Variants in CLCA1 observed in about 807,000 individuals in gnomAD.
CLCA1 encodes chloride channel accessory 1, also known as calcium-activated chloride channel regulator 1.
In CLCA1, 59 loss-of-function variants were observed where a neutral mutation model predicts 85.6. The ratio of observed to expected loss-of-function variants is 0.69; its 90% CI spans 0.56 to 0.86. The LOEUF is 0.86. Ranked by LOEUF, CLCA1 falls within the 40% of genes least tolerant of loss-of-function variation. The pLI is 0.00. For missense variants in CLCA1, 1,022 were observed against 1,101.4 expected, an observed-to-expected ratio of 0.93 and a Z score of 1.02; for synonymous variants, 396 against 398.3, an observed-to-expected ratio of 0.99 and a Z score of 0.07.
intron 3 of CLCA1, among the ~76,000 whole-genome samples, chr1:86,475,866 T>C (rs1336913833): frequency 6.6e-6 from 1 of 152,158 alleles, no homozygotes; most frequent in Non-Finnish European, 1.5e-5. Context: ...ATCAGGGACC[T>C]TGTACACCAT....
chr1:86,486,267 G>T (rs1647967728), intron 6 of CLCA1, among the ~76,000 whole-genome samples: 1 of 152,148 alleles, frequency 6.6e-6, no homozygotes, highest in Non-Finnish European at 1.5e-5. Flanking sequence ...AACTTACCTA[G>T]AATTATTACT....
intron 5 of CLCA1, among the ~76,000 whole-genome samples, chr1:86,484,373 G>A (rs1451704104): frequency 6.6e-6 from 1 of 152,218 alleles, no homozygotes; most frequent in Non-Finnish European, 1.5e-5. Context: ...CAGAGGAGGA[G>A]CAATAGAGAT....
chr1:86,491,332 T>G lies in CLCA1; in HGVS notation c.1425T>G (p.Leu475=), dbSNP rs776400041. 6.2e-7 allele frequency: 1 copy of G among 1,613,632 alleles called. No individual in the cohort carries two copies. Among genetic ancestry groups the G allele is most frequent in the Non-Finnish European group, 8.5e-7 (1 of 1,179,652 alleles). Residue 475 remains leucine, a synonymous_variant, in exon 9 of 14, where the codon CTT becomes CTG. Coordinates refer to ENST00000394711, the MANE Select transcript of CLCA1 (RefSeq NM_001285.4). ...NNGLIDAFGA[L]SSGNGAVSQR... is the part of the protein sequence containing the mutation. ...GCCTCATTGATGCTTTTGGGGCCCT[T>G]TCATCAGGAAATGGAGCTGTCTCTC...
intron 1 of CLCA1, among the ~76,000 whole-genome samples, chr1:86,470,306 A>G (rs879875373): frequency 6.6e-6 from 1 of 152,246 alleles, no homozygotes; most frequent in Non-Finnish European, 1.5e-5. Context: ...TAACCCAAAG[A>G]GGATCAGGCT....
intron 12 of CLCA1, among the ~76,000 whole-genome samples, chr1:86,497,597 T>C (rs1238322012): frequency 6.6e-6 from 1 of 152,164 alleles, no homozygotes; most frequent in African/African-American, 2.4e-5. Context: ...TTCCCATGCA[T>C]TCACTGAGAA....
In CLCA1 at chr1:86,498,741, G is replaced by A. The variant is rs1387127827; in HGVS notation, c.2283G>A (p.Ala761=). The change falls in exon 13 of 14, where the codon GCG becomes GCA. Residue 761 remains alanine, a synonymous_variant. Coordinates refer to ENST00000394711, the MANE Select transcript of CLCA1 (RefSeq NM_001285.4). The part of the protein sequence containing the change: ...FPPGQITDLK[A]EIHGGSLINL... ...CTGGCCAAATCACCGACCTGAAGGC[G>A]GAAATTCACGGGGGCAGTCTCATTA... is the stretch of plus-strand genomic sequence containing the variant. 6.8e-6 allele frequency: 11 copies of A among 1,614,082 alleles called. No individual in the cohort carries two copies. Among genetic ancestry groups the A allele is most frequent in the African/African-American group, 1.3e-5 (1 of 74,998 alleles).
In CLCA1 at chr1:86,482,063, A is replaced by G. The variant is rs1647836356; in HGVS notation, c.558-142A>G. On this transcript the variant is annotated intron_variant, in intron 4 of 13. Coordinates refer to ENST00000394711, the MANE Select transcript of CLCA1 (RefSeq NM_001285.4). ...GAAATGACTCTGATGACAATTTAAC[A>G]CTTTTGCTATGATGGGATGTCCTTG... 4.8e-6 allele frequency: 3 copies of G among 624,940 alleles called. No individual in the cohort carries two copies. In the East Asian group the frequency reaches 8.3e-5, roughly 17 times the overall value. 38.7% of individuals were successfully genotyped at this position (624,940 alleles called of 1,614,324 possible).
At chr1:86,492,754 C>A (rs1182296016) in intron 9 of CLCA1, among the ~76,000 whole-genome samples, 1 of 152,222 alleles carries the variant, frequency 6.6e-6, no homozygotes, top group Non-Finnish European at 1.5e-5. Flanking sequence ...TCCACAGGGC[C>A]TGCAATACTA....
chr1:86,473,740 G>A lies in CLCA1; in HGVS notation c.315G>A (p.Leu105=). ...KLETYKNADV[L]VAESTPPGND... ...TTCTTAAATTTCAGGCTGATGTTCT[G>A]GTTGCTGAGTCTACTCCTCCAGGTA... The change falls in exon 3 of 14, where the codon CTG becomes CTA. Residue 105 remains leucine (L), a synonymous_variant. Coordinates refer to ENST00000394711, the MANE Select transcript of CLCA1 (RefSeq NM_001285.4). The A allele has an allele frequency of 6.3e-7, 1 of 1,575,850 alleles. No homozygotes were observed. Among genetic ancestry groups the A allele is most frequent in the East Asian group, 2.3e-5 (1 of 44,442 alleles).
chr1:86,500,164 A>C lies in CLCA1; in HGVS notation c.*119A>C. Reference sequence around the variant, plus strand: ...GCGATATACTAAATGTATATAGTACATTTATACTAAATGTATTCCTGTAGG... The same window carrying C: ...GCGATATACTAAATGTATATAGTACCTTTATACTAAATGTATTCCTGTAGG... On this transcript the variant is annotated 3_prime_UTR_variant, in exon 14 of 14. Transcript: ENST00000394711. The C allele has an allele frequency of 1.6e-6, 1 of 630,570 alleles. No homozygotes were observed. Among genetic ancestry groups the C allele is most frequent in the East Asian group, 2.8e-5 (1 of 36,316 alleles). 39.1% of individuals were successfully genotyped at this position (630,570 alleles called of 1,614,324 possible).
Position 86,495,412 on chromosome 1 carries a change from G to C in CLCA1, c.1943-93G>C, listed in dbSNP as rs1340596380. The C allele has an allele frequency of 3.8e-6, 4 of 1,053,204 alleles. No individual in the cohort carries two copies. In the African/African-American group the frequency reaches 6.3e-5, roughly 17 times the overall value. 65.2% of individuals were successfully genotyped at this position (1,053,204 alleles called of 1,614,324 possible). A position where few individuals can be genotyped will look rare whatever the true frequency, so the allele number is the denominator to read the frequency against. On this transcript the variant is annotated intron_variant, in intron 11 of 13. Coordinates refer to ENST00000394711, the MANE Select transcript of CLCA1 (RefSeq NM_001285.4). The stretch of plus-strand genomic sequence containing the variant: ...TCTTGGAGCTAATGCTGAATTTCTT[G>C]TTGCTTTGAAAATTCATAGCCTACA...
chr1:86,476,560 A>G lies in CLCA1; in HGVS notation c.557+7A>G. On this transcript the variant is annotated splice_region_variant and intron_variant, in intron 4 of 13. Transcript: ENST00000394711. Reference sequence around the variant, plus strand: ...GAAGAATACAAGCAGTAAGGTATGTATATTTTGATTTAACTTGTTCCAAAC... The same window carrying G: ...GAAGAATACAAGCAGTAAGGTATGTGTATTTTGATTTAACTTGTTCCAAAC... 2.9e-6 allele frequency: 4 copies of G among 1,382,178 alleles called. No individual in the cohort carries two copies. The highest frequency in any genetic ancestry group is 1.2e-5 in the South Asian group (1 of 83,164). The allele number at this position is 1,382,178 out of a possible 1,614,324, so 85.6% of individuals were successfully genotyped here.
chr1:86,470,986 G>T (rs561330748), intron 1 of CLCA1, among the ~76,000 whole-genome samples: 2 of 152,250 alleles, frequency 1.3e-5, no homozygotes, highest in East Asian at 3.9e-4. Flanking sequence ...CTGCATTCTT[G>T]CTAATATTAG....
chr1:86,472,287 T>G (rs1647524220), intron 1 of CLCA1, among the ~76,000 whole-genome samples: 1 of 152,174 alleles, frequency 6.6e-6, no homozygotes, highest in Non-Finnish European at 1.5e-5. Context: ...GATCAGTTCT[T>G]AGTCCTCATA....
chr1:86,493,680 T>A, intron 10 of CLCA1, 81 bp downstream of exon 10: 1 of 1,080,450 alleles, frequency 9.3e-7, no homozygotes, highest in East Asian at 2.6e-5. Context: ...GCATTTTAAA[T>A]GTTGGTGGTT....
Position 86,494,349 on chromosome 1 carries a change from C to T in CLCA1, c.1843C>T (p.Arg615Cys), listed in dbSNP as rs770005577. The T allele has an allele frequency of 5.6e-6, 9 of 1,614,144 alleles. No individual in the cohort carries two copies. The highest frequency in any genetic ancestry group is 1.1e-5 in the South Asian group (1 of 91,078). Residue 615 changes from arginine to cysteine, a missense_variant, in exon 11 of 14, where the codon CGC (arginine) becomes TGC (cysteine). Coordinates refer to ENST00000394711, the MANE Select transcript of CLCA1 (RefSeq NM_001285.4). ...PSPLVVYANI[R>C]QGASPILRAS... ...CCCTCTGGTAGTTTATGCAAATATT[C>T]GCCAAGGAGCCTCCCCAATTCTCAG...
At chr1:86,475,805 G>T (rs926065) in intron 3 of CLCA1, among the ~76,000 whole-genome samples, 117,388 of 151,954 alleles carry the variant, frequency 0.77, 45,771 homozygotes, top group East Asian at 0.9. Flanking sequence ...GTTTGGGAAG[G>T]GAGTGGAGAA....
chr1:86,486,121 A>G (rs571029227), intron 6 of CLCA1, among the ~76,000 whole-genome samples: 4 of 152,088 alleles, frequency 2.6e-5, no homozygotes, highest in Admixed American at 2.6e-4. Flanking sequence ...TAACGAGAAC[A>G]TCCTGGAAGA....
At chr1:86,498,150 CAAAG>C (rs1180932696) in intron 12 of CLCA1, among the ~76,000 whole-genome samples, 5 of 84,844 alleles carry the variant, frequency 5.9e-5, no homozygotes, top group Admixed American at 5.4e-4. Context: ...AAAACAAAAA[CAAAG>C]AAAGGAAGGA....
Sources: allele counts gnomAD v4.1 joint callset (sites outside exome capture counted in the v4.1 genomes callset), GRCh38; gene constraint gnomAD v4.1.1; transcripts MANE v1.5; gene names NCBI Gene and HGNC (gene_info 2026-07-23, HGNC 2026-07-21).